PCDHA11: variants seen among roughly 807,000 people sequenced by gnomAD.
PCDHA11 encodes the protein protocadherin alpha 11, also known as protocadherin alpha-11.
A neutral mutation model predicts 70.3 loss-of-function variants in PCDHA11; 61 were observed. That is an observed-to-expected ratio of 0.87 (90% CI 0.71 to 1.07). PCDHA11 has a LOEUF of 1.07. PCDHA11 is among the 50% of genes least tolerant of loss of function. PCDHA11 has a pLI of 0.00. For synonymous variants in PCDHA11, 633 were observed against 555.1 expected, an observed-to-expected ratio of 1.14 and a Z score of -1.97; for missense variants, 1,324 against 1,237.5, an observed-to-expected ratio of 1.07 and a Z score of -1.05.
intron 3 of PCDHA11, among the ~76,000 whole-genome samples, chr5:140,994,850 CAT>C (rs10584145): frequency 0.01 from 1,553 of 152,082 alleles, 27 homozygotes; most frequent in African/African-American, 0.036. Flanking sequence ...AAGATGAGTG[CAT>C]TTGATGGATG....
intron 1 of PCDHA11, among the ~76,000 whole-genome samples, chr5:140,907,775 G>T (rs1217508105): frequency 4.6e-5 from 7 of 152,178 alleles, no homozygotes; most frequent in African/African-American, 1.7e-4. Flanking sequence ...TGATGACAGG[G>T]GTGGCTGGGG....
At chr5:140,973,492 T>C (rs2096590680) in intron 1 of PCDHA11, among the ~76,000 whole-genome samples, 1 of 152,192 alleles carries the variant, frequency 6.6e-6, no homozygotes, top group African/African-American at 2.4e-5. Context: ...GTCACAGGAC[T>C]CTTCTTCTGA....
intron 1 of PCDHA11, among the ~76,000 whole-genome samples, chr5:140,925,210 C>G (rs1319343041): frequency 1.3e-5 from 2 of 152,122 alleles, no homozygotes; most frequent in Admixed American, 6.5e-5. Context: ...ATTATCGATA[C>G]TTTTAGGCAG....
At chr5:140,928,685 A>G (rs899513448) in intron 1 of PCDHA11, 36 of 1,614,050 alleles carry the variant, frequency 2.2e-5, no homozygotes, top group Non-Finnish European at 3.1e-5. Context: ...TGGCTTTCCT[A>G]CCACATCTCC....
chr5:140,871,405 C>T lies in PCDHA11; in HGVS notation c.2302C>T (p.Leu768Phe), dbSNP rs1554165555. ...CSEEGPPKTD[L>F]MAFSPSLPLG... The stretch of plus-strand genomic sequence containing the variant: ...TGAGGAGGGCCCACCTAAGACGGAC[C>T]TCATGGCCTTCAGCCCCAGTCTTCC... Residue 768 changes from leucine to phenylalanine, a missense_variant, in exon 1 of 4, where the codon CTC becomes TTC. Physicochemically the swap from Leu to Phe is conservative, Grantham distance 22 (BLOSUM62 0). Coordinates refer to ENST00000398640, the MANE Select transcript of PCDHA11 (RefSeq NM_018902.5). The T allele has an allele frequency of 6.2e-6, 10 of 1,614,106 alleles. No homozygotes were observed. Among genetic ancestry groups the T allele is most frequent in the Non-Finnish European group, 7.6e-6 (9 of 1,179,980 alleles).
intron 1 of PCDHA11, among the ~76,000 whole-genome samples, chr5:140,956,813 T>C (rs1306502330): frequency 6.6e-6 from 1 of 152,176 alleles, no homozygotes; most frequent in African/African-American, 2.4e-5. Context: ...TATTATTGCT[T>C]CAATTTGTAA....
chr5:140,915,374 G>A (rs1310466402), intron 1 of PCDHA11, among the ~76,000 whole-genome samples: 3 of 152,016 alleles, frequency 2.0e-5, no homozygotes, highest in Non-Finnish European at 4.4e-5. Flanking sequence ...TAAGTGTCTC[G>A]GCATTGAAGA....
chr5:140,946,980 T>G (rs757011315), intron 1 of PCDHA11, among the ~76,000 whole-genome samples: 4 of 151,702 alleles, frequency 2.6e-5, no homozygotes, highest in Non-Finnish European at 5.9e-5. Context: ...AATAGAGGAT[T>G]TTGAGTGTTC....
chr5:140,879,687 CA>C (rs1343612878), intron 1 of PCDHA11, among the ~76,000 whole-genome samples: 1 of 152,156 alleles, frequency 6.6e-6, no homozygotes, highest in Non-Finnish European at 1.5e-5. Context: ...TGTAAAACAG[CA>C]AAAGTTTATT....
intron 1 of PCDHA11, among the ~76,000 whole-genome samples, chr5:140,961,185 G>T (rs2095595656): frequency 6.6e-6 from 1 of 152,100 alleles, no homozygotes; most frequent in Non-Finnish European, 1.5e-5. Context: ...ACTCCTCACA[G>T]GACCCTAGTG....
At chr5:140,997,967 G>A (rs1275111362) in intron 3 of PCDHA11, among the ~76,000 whole-genome samples, 1 of 152,104 alleles carries the variant, frequency 6.6e-6, no homozygotes, top group African/African-American at 2.4e-5. Flanking sequence ...CGTACCTGTG[G>A]TTGGACTGCA....
At chr5:141,002,702 G>A (rs2153975030) in intron 3 of PCDHA11, among the ~76,000 whole-genome samples, 1 of 152,294 alleles carries the variant, frequency 6.6e-6, no homozygotes, top group South Asian at 2.1e-4. Context: ...GTTTAACTCT[G>A]TTGCACACAC....
At chr5:140,988,856 C>G (rs1363693153) in intron 3 of PCDHA11, 1 of 152,180 alleles carries the variant, frequency 6.6e-6, no homozygotes, top group African/African-American at 2.4e-5. Context: ...CCTATCCAGT[C>G]TCATGTGCAC....
At chr5:140,881,085 A>G (rs1554171740) in intron 1 of PCDHA11, among the ~76,000 whole-genome samples, 1 of 152,156 alleles carries the variant, frequency 6.6e-6, no homozygotes, top group East Asian at 1.9e-4. Flanking sequence ...GCTATGATAT[A>G]TTTTTCATTA....
chr5:140,931,161 C>G (rs1214685588), intron 1 of PCDHA11, among the ~76,000 whole-genome samples: 5 of 152,132 alleles, frequency 3.3e-5, no homozygotes, highest in African/African-American at 1.2e-4. Flanking sequence ...AATAGAATCT[C>G]AGTTAATTTT....
chr5:140,993,949 T>C (rs1330727166), intron 3 of PCDHA11, among the ~76,000 whole-genome samples: 1 of 152,204 alleles, frequency 6.6e-6, no homozygotes, highest in Non-Finnish European at 1.5e-5. Flanking sequence ...TGTTAAGTGA[T>C]ACATGACTGT....
At chr5:140,903,635 A>T (rs2070455281) in intron 1 of PCDHA11, among the ~76,000 whole-genome samples, 1 of 152,244 alleles carries the variant, frequency 6.6e-6, no homozygotes, top group Non-Finnish European at 1.5e-5. Context: ...ATGTATGCAT[A>T]TACCATATAC....
intron 1 of PCDHA11, among the ~76,000 whole-genome samples, chr5:140,890,896 T>A (rs2062845405): frequency 6.6e-6 from 1 of 152,182 alleles, no homozygotes; most frequent in African/African-American, 2.4e-5. Context: ...ATTATTGTCT[T>A]TCCATGTTAG....
In PCDHA11 at chr5:140,884,802, ACTCTGC is replaced by A. The variant is rs2060361534; in HGVS notation, c.2391+13309_2391+13314del. The A allele has an allele frequency of 4.1e-6, 5 of 1,232,140 alleles. No individual in the cohort carries two copies. The South Asian group carries it at 9.1e-5, about 22-fold the overall frequency. The allele number at this position is 1,232,140 out of a possible 1,614,324, so 76.3% of individuals were successfully genotyped here. A position where few individuals can be genotyped will look rare whatever the true frequency, so the allele number is the denominator to read the frequency against. ...TTGCTAGTTGTTATCGAATTTAACA[ACTCTGC>A]TGTGGACATTATGTGTTGGATTATC... is the stretch of plus-strand genomic sequence containing the variant. On this transcript the variant is annotated intron_variant, in intron 1 of 3. Transcript: ENST00000398640.
Sources: allele counts gnomAD v4.1 joint callset (sites outside exome capture counted in the v4.1 genomes callset), GRCh38; gene constraint gnomAD v4.1.1; transcripts MANE v1.5; gene names NCBI Gene and HGNC (gene_info 2026-07-23, HGNC 2026-07-21).